KIRREL3: variants seen among roughly 807,000 people sequenced by gnomAD.
The protein encoded by KIRREL3 is kin of IRRE-like protein 3.
KIRREL3 carries 36 observed loss-of-function variants against 89.7 expected under a neutral mutation model. The observed-to-expected ratio is 0.40, with a 90% CI of 0.31 to 0.53. The LOEUF is 0.53. Ranked by LOEUF, KIRREL3 falls within the 20% of genes least tolerant of loss-of-function variation. The pLI is 0.49. For synonymous variants in KIRREL3, 445 were observed against 441.4 expected, an observed-to-expected ratio of 1.01 and a Z score of -0.10; for missense variants, 864 against 1,056.6, an observed-to-expected ratio of 0.82 and a Z score of 2.53.
At chr11:126,873,387 G>A (rs1213882076) in intron 1 of KIRREL3, among the ~76,000 whole-genome samples, 1 of 152,080 alleles carries the variant, frequency 6.6e-6, no homozygotes, top group Non-Finnish European at 1.5e-5. Flanking sequence ...TCAACTTTGC[G>A]GGTGACTGGA....
chr11:126,968,101 G>A (rs1395732458), intron 1 of KIRREL3, among the ~76,000 whole-genome samples: 2 of 152,208 alleles, frequency 1.3e-5, no homozygotes, highest in Admixed American at 1.3e-4. Flanking sequence ...ATAGCTAAAT[G>A]TAGAGTTGTT....
At chr11:127,002,287 C>T (rs1247975880), upstream of KIRREL3, among the ~76,000 whole-genome samples, 1 of 152,220 alleles carries the variant, frequency 6.6e-6, no homozygotes, top group East Asian at 1.9e-4. Flanking sequence ...TATTTAACTG[C>T]ATCCCTTAGA....
Position 126,736,093 on chromosome 11 carries a change from G to C in KIRREL3, c.56-173181C>G, listed in dbSNP as rs1006719885. On this transcript the variant is annotated intron_variant, in intron 1 of 16. Transcript: ENST00000525144. This position sits in a 1 kb window ranked among gnomAD's most constrained non-coding sequence, Gnocchi z 5.0. ...GAGTACATGTTGAATACATTTATTA[G>C]TTTCTTTCTTTCCATAGCTACTGCT... Among the ~76,000 whole-genome samples the C allele has an allele frequency of 6.6e-6, 1 of 151,988 alleles. No homozygotes were observed. Among genetic ancestry groups the C allele is most frequent in the Admixed American group, 6.5e-5 (1 of 15,270 alleles).
Position 126,622,812 on chromosome 11 carries a change from A to C in KIRREL3, c.56-59900T>G, listed in dbSNP as rs1305091835. 6.6e-6 allele frequency among the ~76,000 whole-genome samples: 1 copy of C among 152,246 alleles called. No individual in the cohort carries two copies. The highest frequency in any genetic ancestry group is 1.5e-5 in the Non-Finnish European group (1 of 68,048). ...ACCAGCTACACTTTTTACAGTGCTA[A>C]CTATACTTTTTGTAGAGTTAACTAC... On this transcript the variant is annotated intron_variant, in intron 1 of 16. Transcript: ENST00000525144. This position sits in a 1 kb window ranked among gnomAD's most constrained non-coding sequence, Gnocchi z 5.2.
chr11:126,691,021 T>C, intron 1 of KIRREL3, among the ~76,000 whole-genome samples: 1 of 152,340 alleles, frequency 6.6e-6, no homozygotes, highest in African/African-American at 2.4e-5. Flanking sequence ...AAGAAACACA[T>C]ATGGTCAATA....
In KIRREL3 at chr11:126,500,424, C is replaced by T. The variant is rs188100006; in HGVS notation, c.433+20891G>A. Among the ~76,000 whole-genome samples, 51 of 152,234 alleles carry T rather than the reference C, an allele frequency of 3.4e-4. 1 individual carries two copies. Among genetic ancestry groups the T allele is most frequent in the African/African-American group, 1.1e-3 (47 of 41,532 alleles). ...GGTGTCTGGTGAGCCTGGCTACAAG[C>T]GACTCACATTAATTTAGTTGAAAAA... On this transcript the variant is annotated intron_variant, in intron 4 of 16. Transcript: ENST00000525144.
chr11:126,456,462 G>C lies in KIRREL3; in HGVS notation c.743-8C>G, dbSNP rs1212584198. 6.5e-7 allele frequency: 1 copy of C among 1,545,522 alleles called. No homozygotes were observed. ...GGTTGACCAGTGGAGGGTCTGCAGG[G>C]AGAGGAGAGTCACTTGTAGACCGGA... is the stretch of plus-strand genomic sequence containing the variant. On this transcript the variant is annotated splice_polypyrimidine_tract_variant and splice_region_variant and intron_variant, in intron 6 of 16. Coordinates refer to ENST00000525144, the MANE Select transcript of KIRREL3 (RefSeq NM_032531.4).
intron 1 of KIRREL3, among the ~76,000 whole-genome samples, chr11:126,786,086 C>A (rs1950480362): frequency 6.6e-6 from 1 of 151,956 alleles, no homozygotes; most frequent in South Asian, 2.1e-4. Flanking sequence ...ACAGCCTAAA[C>A]ATTCAACAGT....
chr11:126,425,112 C>T (rs1305621017), intron 16 of KIRREL3, 89 bp from the exon 17 acceptor site: 33 of 1,244,034 alleles, frequency 2.7e-5, no homozygotes, highest in South Asian at 1.6e-4. Flanking sequence ...TCCCCTTATG[C>T]GGGGAGGGAA....
chr11:126,866,403 C>T (rs572363459), intron 1 of KIRREL3, among the ~76,000 whole-genome samples: 1 of 152,186 alleles, frequency 6.6e-6, no homozygotes, highest in South Asian at 2.1e-4. Flanking sequence ...ATTATCTTCT[C>T]AAAACCATGC....
rs1939849441 is a variant in KIRREL3 at position 126,558,199 on chromosome 11, T to G, written c.133+4636A>C. On this transcript the variant is annotated intron_variant, in intron 2 of 16. Coordinates refer to ENST00000525144, the MANE Select transcript of KIRREL3 (RefSeq NM_032531.4). The surrounding 1 kb of genome is among the most constrained non-coding windows in gnomAD (Gnocchi z 4.0). ...TCAAAACTTCGGTGCCTCTGCTTCT[T>G]CCCTCCTTTAAATATCCTCTTCCTC... Among the ~76,000 whole-genome samples, 1 of 152,102 alleles carries G rather than the reference T, an allele frequency of 6.6e-6. No homozygotes were observed. The highest frequency in any genetic ancestry group is 1.5e-5 in the Non-Finnish European group (1 of 68,008).
Position 126,843,836 on chromosome 11 carries a change from C to T in KIRREL3, c.55+156619G>A, listed in dbSNP as rs894552869. The stretch of plus-strand genomic sequence containing the variant: ...TCATCCTCACTGCTACACTCCCACC[C>T]GTGCCATGACAGTTTACAAATGCCA... On this transcript the variant is annotated intron_variant, in intron 1 of 16. Transcript: ENST00000525144. This position sits in a 1 kb window ranked among gnomAD's most constrained non-coding sequence, Gnocchi z 4.6. Among the ~76,000 whole-genome samples the T allele has an allele frequency of 3.3e-5, 5 of 152,134 alleles. No homozygotes were observed. The highest frequency in any genetic ancestry group is 1.9e-4 in the East Asian group (1 of 5,188).
Position 126,682,284 on chromosome 11 carries a change from C to G in KIRREL3, c.56-119372G>C, listed in dbSNP as rs1208291035. 6.6e-6 allele frequency among the ~76,000 whole-genome samples: 1 copy of G among 152,140 alleles called. No individual in the cohort carries two copies. The highest frequency in any genetic ancestry group is 1.5e-5 in the Non-Finnish European group (1 of 68,014). On this transcript the variant is annotated intron_variant, in intron 1 of 16. Transcript: ENST00000525144. The surrounding 1 kb of genome is among the most constrained non-coding windows in gnomAD (Gnocchi z 4.8). Reference sequence around the variant, plus strand: ...ATGCATTCTGCTATGCATAGTCGCCCTCTCTTCCTTCTAGGTTAGAGTGGG... The same window carrying G: ...ATGCATTCTGCTATGCATAGTCGCCGTCTCTTCCTTCTAGGTTAGAGTGGG...
rs555543469 is a variant in KIRREL3 at position 126,557,077 on chromosome 11, C to T, written c.133+5758G>A. On this transcript the variant is annotated intron_variant, in intron 2 of 16. Transcript: ENST00000525144. This position sits in a 1 kb window ranked among gnomAD's most constrained non-coding sequence, Gnocchi z 5.6. ...GGCCCTTAGCGCGAGCCAGACTGTA[C>T]GGCTGCAACAGAGTGAGAAGTGCTG... is the stretch of plus-strand genomic sequence containing the variant. 8.5e-5 allele frequency among the ~76,000 whole-genome samples: 13 copies of T among 152,272 alleles called. No individual in the cohort carries two copies. The highest frequency in any genetic ancestry group is 1.9e-4 in the East Asian group (1 of 5,172).
rs774084086 is a variant in KIRREL3, at chr11:126,440,449, G to A, written c.1353C>T (p.Ile451=). 1.3e-6 allele frequency: 2 copies of A among 1,569,880 alleles called. No homozygotes were observed. The highest frequency in any genetic ancestry group is 2.4e-5 in the East Asian group (1 of 42,216). ...FIRSTPPPDR[I]AWSWKENVLE... ...CGCCCGCCGTCCCTGGAGCACTCAC[G>A]ATGCGGTCCGGCGGCGGCGTGCTCC... The change falls in exon 11 of 17, where the codon ATC becomes ATT. Residue 451 remains isoleucine, a splice_region_variant and synonymous_variant. Transcript: ENST00000525144.
At chr11:126,445,777 C>A (rs1955769947) in intron 9 of KIRREL3, among the ~76,000 whole-genome samples, 2 of 152,322 alleles carry the variant, frequency 1.3e-5, no homozygotes, top group South Asian at 4.1e-4. Flanking sequence ...GCTTCCCTAC[C>A]TGGAGCTCTC....
intron 1 of KIRREL3, among the ~76,000 whole-genome samples, chr11:126,806,837 C>T (rs764017642): frequency 1.2e-4 from 18 of 151,926 alleles, no homozygotes; most frequent in South Asian, 2.1e-4. Context: ...TCCCCTTGCC[C>T]CCCACCCCCA....
intron 1 of KIRREL3, among the ~76,000 whole-genome samples, chr11:126,760,898 A>G (rs565046164): frequency 6.6e-6 from 1 of 152,344 alleles, no homozygotes; most frequent in Admixed American, 6.5e-5. Flanking sequence ...GAAAGTTGCA[A>G]TGCACATTTT....
rs369284936 is a variant in KIRREL3, at chr11:126,953,276, C to T, written c.55+47179G>A. 6.0e-5 allele frequency among the ~76,000 whole-genome samples: 9 copies of T among 150,398 alleles called. No homozygotes were observed. In the East Asian group the frequency reaches 7.9e-4, roughly 13 times the overall value. On this transcript the variant is annotated intron_variant, in intron 1 of 16. Transcript: ENST00000525144. The surrounding 1 kb of genome is among the most constrained non-coding windows in gnomAD (Gnocchi z 5.2). ...CATGTTCTCACTCATAAGTGGGTGT[C>T]GAACAATGAGAACACATGGACACAG... is the stretch of plus-strand genomic sequence containing the variant.
Sources: gnomAD v4.1 joint callset for allele counts (sites outside exome capture counted in the v4.1 genomes callset) on GRCh38, gnomAD v4.1.1 for gene constraint, Gnocchi (gnomAD v3.1) non-coding constraint, MANE v1.5 for transcripts, NCBI Gene and HGNC (gene_info 2026-07-23, HGNC 2026-07-21) for gene names.